Variants in RTN4RL1 observed in about 807,000 individuals in gnomAD.
The protein encoded by RTN4RL1 is reticulon 4 receptor like 1.
In RTN4RL1, 7 loss-of-function variants were observed where a neutral mutation model predicts 25.6. The observed-to-expected ratio is 0.27, with a 90% CI of 0.16 to 0.51. The LOEUF (loss-of-function observed/expected upper bound fraction) is 0.51, where lower values mean the gene tolerates loss of function less well. RTN4RL1 is among the 20% of genes least tolerant of loss of function. The probability of loss-of-function intolerance (pLI) is 0.97; values close to 1 mark genes in which losing one functional copy is unlikely to be tolerated. For synonymous variants in RTN4RL1, 297 were observed against 288.2 expected (o/e 1.03, Z -0.31); for missense variants, 500 against 615.6 (o/e 0.81, Z 1.99).
chr17:1,990,253 C>T (rs915088966), intron 1 of RTN4RL1, among the ~76,000 whole-genome samples: 7 of 151,374 alleles, frequency 4.6e-5, no homozygotes, highest in African/African-American at 9.7e-5. Context: ...CAGCTACTTG[C>T]GAGGCTGAGA....
chr17:1,987,348 G>A (rs1047210415), intron 1 of RTN4RL1, among the ~76,000 whole-genome samples: 5 of 152,152 alleles, frequency 3.3e-5, no homozygotes, highest in Non-Finnish European at 5.9e-5. Context: ...TTTCGTTCAA[G>A]CCTGTGGGGG....
chr17:1,981,164 A>C (rs566280483), intron 1 of RTN4RL1, among the ~76,000 whole-genome samples: 174 of 151,634 alleles, frequency 1.1e-3, no homozygotes, highest in African/African-American at 3.9e-3. Flanking sequence ...AGGGAGGATC[A>C]CTTGAGCCCA....
intron 1 of RTN4RL1, chr17:2,020,118 A>C (rs2067181763): frequency 6.6e-6 from 1 of 152,116 alleles, no homozygotes; most frequent in African/African-American, 2.4e-5. Context: ...TGTTTTGGTG[A>C]GATTGGTTCC....
intron 1 of RTN4RL1, among the ~76,000 whole-genome samples, chr17:2,016,853 C>T (rs964663114): frequency 1.1e-4 from 17 of 152,228 alleles, no homozygotes; most frequent in African/African-American, 3.9e-4. Flanking sequence ...ACCCCAGGCC[C>T]ACCTCCACAC....
intron 1 of RTN4RL1, among the ~76,000 whole-genome samples, chr17:2,024,288 G>A (rs560421020): frequency 6.6e-6 from 1 of 152,308 alleles, no homozygotes; most frequent in South Asian, 2.1e-4. Context: ...GACATCAGGC[G>A]CTGGCCGCTC....
intron 1 of RTN4RL1, among the ~76,000 whole-genome samples, chr17:1,987,951 C>T (rs1481076989): frequency 6.6e-6 from 1 of 151,580 alleles, no homozygotes; most frequent in South Asian, 2.1e-4. Flanking sequence ...ATTAAAAATA[C>T]AAAAATTAGC....
intron 1 of RTN4RL1, chr17:2,003,720 G>C (rs1032962899): frequency 6.6e-6 from 1 of 152,342 alleles, no homozygotes; most frequent in East Asian, 1.9e-4. Flanking sequence ...CGCAATCTAC[G>C]GAAGCAGCAG....
At chr17:2,007,263 G>C (rs1442597420) in intron 1 of RTN4RL1, among the ~76,000 whole-genome samples, 3 of 150,648 alleles carry the variant, frequency 2.0e-5, no homozygotes, top group Non-Finnish European at 4.4e-5. Flanking sequence ...GAAAACAAAT[G>C]CCTCTGTACA....
In RTN4RL1 at chr17:1,937,391, A is replaced by T; in HGVS notation, c.431T>A (p.Val144Asp). 6.2e-7 allele frequency: 1 copy of T among 1,613,502 alleles called. No individual in the cohort carries two copies. Among genetic ancestry groups the T allele is most frequent in the Non-Finnish European group, 8.5e-7 (1 of 1,179,812 alleles). ...CTGCAGGCTGTGCAGGCCGCCAAAGACGCCGGCCGGCAAGGCGCTGAGCCC... is the reference window on the plus strand; with the variant it reads ...CTGCAGGCTGTGCAGGCCGCCAAAGTCGCCGGCCGGCAAGGCGCTGAGCCC... ...KCGLSALPAGVFGGLHSLQYL... is the reference protein window; with the variant it reads ...KCGLSALPAGDFGGLHSLQYL... Residue 144 changes from valine (V) to aspartate (D), a missense_variant, in exon 2 of 2, where the codon GTC becomes GAC. This residue lies in a region of RTN4RL1 where 232 missense variants were observed against 341.1 expected (regional missense o/e 0.68). Transcript: ENST00000331238.
At chr17:1,970,083 G>A (rs527899829) in intron 1 of RTN4RL1, among the ~76,000 whole-genome samples, 12 of 149,750 alleles carry the variant, frequency 8.0e-5, no homozygotes, top group South Asian at 4.2e-4. Flanking sequence ...GTGCAATGGC[G>A]CAATCTCAAT....
At position 1,998,430 on chromosome 17, in the gene RTN4RL1, C is replaced by G. The variant is rs1250100735; in HGVS notation, c.13+26423G>C. ...GGCCGCGCTGGGATCCGTTCCCTCT[C>G]GCGGGAGCCGCCGGCCGGGGATCTG... On this transcript the variant is annotated intron_variant, in intron 1 of 1. Transcript: ENST00000331238. This position sits in a 1 kb window ranked among gnomAD's most constrained non-coding sequence, Gnocchi z 4.9. Among the ~76,000 whole-genome samples, 1 of 151,968 alleles carries G rather than the reference C, an allele frequency of 6.6e-6. No individual in the cohort carries two copies. Among genetic ancestry groups the G allele is most frequent in the Non-Finnish European group, 1.5e-5 (1 of 67,938 alleles).
chr17:1,952,770 G>T (rs1331356583), intron 1 of RTN4RL1, among the ~76,000 whole-genome samples: 7 of 151,990 alleles, frequency 4.6e-5, no homozygotes, highest in Middle Eastern at 6.8e-3. Context: ...CCTGCCGGGG[G>T]TGAGTCTTTG....
intron 1 of RTN4RL1, among the ~76,000 whole-genome samples, chr17:2,010,626 C>T (rs7503631): frequency 0.016 from 2,492 of 152,192 alleles, 73 homozygotes; most frequent in African/African-American, 0.058. Flanking sequence ...GGTGTGATCA[C>T]AACTCATTGC....
In RTN4RL1 at chr17:2,015,473, C is replaced by T. The variant is rs1335160081; in HGVS notation, c.13+9380G>A. On this transcript the variant is annotated intron_variant, in intron 1 of 1. Transcript: ENST00000331238. ...GCCCCCAGAGCCAAGCATGGCGCTG[C>T]CCGGGGAGGTGCCACATTGGAGAGG... Among the ~76,000 whole-genome samples, 4 of 152,100 alleles carry T rather than the reference C, an allele frequency of 2.6e-5. No individual in the cohort carries two copies. In the South Asian group the frequency reaches 8.3e-4, roughly 32 times the overall value.
At chr17:2,007,914 C>G (rs545058595) in intron 1 of RTN4RL1, among the ~76,000 whole-genome samples, 1 of 148,106 alleles carries the variant, frequency 6.8e-6, no homozygotes, top group East Asian at 2.0e-4. Context: ...CCCCTGCACT[C>G]CAGCCTGGGT....
intron 1 of RTN4RL1, among the ~76,000 whole-genome samples, chr17:1,943,193 C>T (rs1052709245): frequency 6.6e-6 from 1 of 152,248 alleles, no homozygotes; most frequent in Non-Finnish European, 1.5e-5. Flanking sequence ...AAGGAGGAAA[C>T]GAGGCCCACC....
intron 1 of RTN4RL1, among the ~76,000 whole-genome samples, chr17:2,007,057 T>A (rs2067001813): frequency 6.6e-6 from 1 of 152,174 alleles, no homozygotes; most frequent in Non-Finnish European, 1.5e-5. Flanking sequence ...CAGTGCCGTA[T>A]GATGCTGGGC....
At position 1,998,048 on chromosome 17, in the gene RTN4RL1, C is replaced by T. The variant is rs554720474; in HGVS notation, c.13+26805G>A. ...GGCGCCCCACCCCCACCCCCGCCTC[C>T]GCCCCAGGCCGCGATCGATCCCGGC... On this transcript the variant is annotated intron_variant, in intron 1 of 1. Coordinates refer to ENST00000331238, the MANE Select transcript of RTN4RL1 (RefSeq NM_178568.4). This position sits in a 1 kb window ranked among gnomAD's most constrained non-coding sequence, Gnocchi z 4.9. 6.6e-6 allele frequency among the ~76,000 whole-genome samples: 1 copy of T among 152,132 alleles called. No homozygotes were observed. Among genetic ancestry groups the T allele is most frequent in the Non-Finnish European group, 1.5e-5 (1 of 67,986 alleles).
At chr17:2,004,791 G>A (rs1412058285) in intron 1 of RTN4RL1, among the ~76,000 whole-genome samples, 2 of 152,148 alleles carry the variant, frequency 1.3e-5, no homozygotes, top group Non-Finnish European at 2.9e-5. Context: ...CCCTGGCCAG[G>A]GCTGGCATGT....
Sources: allele counts gnomAD v4.1 joint callset (sites outside exome capture counted in the v4.1 genomes callset), GRCh38; gene constraint gnomAD v4.1.1; regional missense constraint gnomAD v4.1.1; non-coding constraint Gnocchi (gnomAD v3.1); transcripts MANE v1.5; gene names NCBI Gene and HGNC (gene_info 2026-07-23, HGNC 2026-07-21).